Variants in SMPD3 observed in about 807,000 individuals in gnomAD.
SMPD3 encodes the protein sphingomyelin phosphodiesterase 3, also known as nSMase-2.
Under a neutral mutation model 55.7 loss-of-function variants are expected in SMPD3, and 21 were observed. That is an observed-to-expected ratio of 0.38 (90% CI 0.27 to 0.54). SMPD3 has a LOEUF of 0.54. Among genes scored for constraint, SMPD3 ranks in the 20% least tolerant of loss-of-function variants. SMPD3 has a pLI of 0.80. For missense variants in SMPD3, 842 were observed against 899.6 expected (o/e 0.94, Z 0.82); for synonymous variants, 457 against 404.3 (o/e 1.13, Z -1.56).
intron 1 of SMPD3, among the ~76,000 whole-genome samples, chr16:68,419,017 C>T (rs2090363570): frequency 6.6e-6 from 1 of 152,044 alleles, no homozygotes; most frequent in African/African-American, 2.4e-5. Flanking sequence ...GGCATGAGGG[C>T]AAAGCTGGGT....
intron 1 of SMPD3, among the ~76,000 whole-genome samples, chr16:68,392,853 A>AAAAAAG (rs1282144505): frequency 1.3e-5 from 2 of 151,316 alleles, no homozygotes; most frequent in African/African-American, 4.9e-5. Context: ...AAAAAAAAAA[A>AAAAAAG]AAGATGCCAA....
chr16:68,412,617 A>G (rs1597654977), intron 1 of SMPD3, among the ~76,000 whole-genome samples: 2 of 152,334 alleles, frequency 1.3e-5, no homozygotes, highest in South Asian at 4.1e-4. Context: ...CCTGGTTTCA[A>G]TTACAAAGAA....
intron 8 of SMPD3, 113 bp from the exon 9 acceptor site, chr16:68,361,420 C>T: frequency 7.3e-7 from 1 of 1,372,820 alleles, no homozygotes; most frequent in Non-Finnish European, 1.0e-6. Context: ...GGGCTGGGAC[C>T]TTCCTGCAGT....
chr16:68,432,138 A>G (rs969980400), intron 1 of SMPD3, among the ~76,000 whole-genome samples: 10 of 152,234 alleles, frequency 6.6e-5, no homozygotes, highest in Non-Finnish European at 1.2e-4. Context: ...GAAAAGAAAA[A>G]AAAGTAACAG....
chr16:68,368,129 G>C (rs762531303), intron 3 of SMPD3: 2 of 152,346 alleles, frequency 1.3e-5, no homozygotes, highest in Non-Finnish European at 2.9e-5. Flanking sequence ...CTGCTGTCCT[G>C]GTGCTCTGTC....
At chr16:68,363,430 G>A in intron 7 of SMPD3, 66 bp downstream of exon 7, 3 of 1,575,156 alleles carry the variant, frequency 1.9e-6, no homozygotes, top group Non-Finnish European at 2.6e-6. Flanking sequence ...TGTGGGTCCT[G>A]CCCAGTCCCT....
intron 1 of SMPD3, among the ~76,000 whole-genome samples, chr16:68,386,886 C>CA (rs1485856904): frequency 1.3e-5 from 2 of 152,098 alleles, no homozygotes; most frequent in Admixed American, 1.3e-4. Context: ...GTTTGTGTGA[C>CA]AGATTTTCAA....
chr16:68,368,614 G>C (rs1383437490), intron 3 of SMPD3: 4 of 153,696 alleles, frequency 2.6e-5, no homozygotes, highest in Middle Eastern at 3.3e-3. Context: ...CACAGAAGAG[G>C]AGCAGCCCGG....
chr16:68,394,668 C>A (rs2152006582), intron 1 of SMPD3, among the ~76,000 whole-genome samples: 1 of 152,350 alleles, frequency 6.6e-6, no homozygotes, highest in South Asian at 2.1e-4. Context: ...GTCACAGCTG[C>A]TTTGGGCAGG....
chr16:68,384,824 C>A (rs1288574328), intron 2 of SMPD3, among the ~76,000 whole-genome samples: 2 of 151,718 alleles, frequency 1.3e-5, no homozygotes, highest in African/African-American at 2.4e-5. Flanking sequence ...GTAATAGGAA[C>A]CCCTGCCGAC....
intron 1 of SMPD3, among the ~76,000 whole-genome samples, chr16:68,439,139 A>G (rs1187437008): frequency 2.0e-5 from 3 of 152,130 alleles, no homozygotes; most frequent in Non-Finnish European, 4.4e-5. Flanking sequence ...GCCCCAGAGG[A>G]GAAAGATGAA....
intron 1 of SMPD3, among the ~76,000 whole-genome samples, chr16:68,445,191 A>G (rs1220950928): frequency 6.6e-6 from 1 of 152,246 alleles, no homozygotes; most frequent in Non-Finnish European, 1.5e-5. Context: ...TTTGAGGAAA[A>G]GAGGGCTTGC....
intron 1 of SMPD3, among the ~76,000 whole-genome samples, chr16:68,431,783 A>G (rs942307545): frequency 6.6e-6 from 1 of 152,198 alleles, no homozygotes; most frequent in Admixed American, 6.5e-5. Flanking sequence ...TTAGCCAGGC[A>G]TAGTGGTGGG....
intron 3 of SMPD3, among the ~76,000 whole-genome samples, chr16:68,365,738 G>C (rs1408540049): frequency 1.3e-5 from 2 of 152,174 alleles, no homozygotes; most frequent in Admixed American, 1.3e-4. Context: ...TGAGCCCACT[G>C]TGGCAGCATC....
At chr16:68,370,168 T>C (rs1260769516) in intron 3 of SMPD3, 1 of 152,520 alleles carries the variant, frequency 6.6e-6, no homozygotes, top group African/African-American at 2.4e-5. Flanking sequence ...AATGACCAAA[T>C]TACCACAGCC....
chr16:68,442,373 G>A (rs965928821), intron 1 of SMPD3, among the ~76,000 whole-genome samples: 1 of 152,116 alleles, frequency 6.6e-6, no homozygotes, highest in African/African-American at 2.4e-5. Flanking sequence ...ATTATTTCAG[G>A]GTTTCTGTGT....
chr16:68,410,075 G>A (rs932198762), intron 1 of SMPD3, among the ~76,000 whole-genome samples: 2 of 152,212 alleles, frequency 1.3e-5, no homozygotes, highest in Non-Finnish European at 2.9e-5. Context: ...TGCCTGTCCC[G>A]AGGGCTGTAA....
intron 1 of SMPD3, among the ~76,000 whole-genome samples, chr16:68,417,033 C>T (rs191685834): frequency 6.6e-6 from 1 of 152,286 alleles, no homozygotes; most frequent in East Asian, 1.9e-4. Flanking sequence ...GTGCACCCAT[C>T]CCCTGGGTAC....
chr16:68,402,543 A>C (rs2090218898), intron 1 of SMPD3, among the ~76,000 whole-genome samples: 1 of 152,100 alleles, frequency 6.6e-6, no homozygotes, highest in South Asian at 2.1e-4. Context: ...GTGATTTGTT[A>C]TATAGCATGG....
Sources: allele counts gnomAD v4.1 joint callset (sites outside exome capture counted in the v4.1 genomes callset), GRCh38; gene constraint gnomAD v4.1.1; transcripts MANE v1.5; gene names NCBI Gene and HGNC (gene_info 2026-07-23, HGNC 2026-07-21).